Variants in MICAL3 observed in about 807,000 individuals in gnomAD.
MICAL3 encodes the protein microtubule associated monooxygenase, calponin and LIM domain containing 3.
A neutral mutation model predicts 207.4 loss-of-function variants in MICAL3; 62 were observed. The observed-to-expected ratio is 0.30, with a 90% CI of 0.24 to 0.37. The LOEUF (loss-of-function observed/expected upper bound fraction) is 0.37, where lower values mean the gene tolerates loss of function less well. Ranked by LOEUF, MICAL3 falls within the 10% of genes least tolerant of loss-of-function variation. The probability of loss-of-function intolerance (pLI) is 1.00; values close to 1 mark genes in which losing one functional copy is unlikely to be tolerated. For synonymous variants in MICAL3, 1,077 were observed against 1,069.3 expected (o/e 1.01, Z -0.14); for missense variants, 2,368 against 2,635.6 (o/e 0.90, Z 2.22).
At chr22:17,799,799 G>C (rs1230093597) in intron 29 of MICAL3, among the ~76,000 whole-genome samples, 1 of 152,212 alleles carries the variant, frequency 6.6e-6, no homozygotes, top group Non-Finnish European at 1.5e-5. Context: ...GGGGCTGGGA[G>C]ACACCTGGTG....
Position 17,866,180 on chromosome 22 carries a change from G to A in MICAL3, c.2429-168C>T, listed in dbSNP as rs57475184. ...CTTGTCCAGAGAAGCCAGTTCCTCCGGGTAAACTTTGATTCTAGCTCTCCT... is the reference window on the plus strand; with the variant it reads ...CTTGTCCAGAGAAGCCAGTTCCTCCAGGTAAACTTTGATTCTAGCTCTCCT... On this transcript the variant is annotated intron_variant, in intron 17 of 31. Coordinates refer to ENST00000441493, the MANE Select transcript of MICAL3 (RefSeq NM_015241.3). Among the ~76,000 whole-genome samples the A allele has an allele frequency of 3.5e-3, 528 of 152,290 alleles. 2 individuals carry two copies. The highest frequency in any genetic ancestry group is 9.2e-3 in the African/African-American group (381 of 41,552).
At chr22:17,997,552 G>A (rs1922430122) in intron 1 of MICAL3, among the ~76,000 whole-genome samples, 1 of 152,134 alleles carries the variant, frequency 6.6e-6, no homozygotes, top group Non-Finnish European at 1.5e-5. Context: ...ATCAGACCTG[G>A]GGTGGTGGCA....
At chr22:17,834,384 C>CTAGA in intron 20 of MICAL3, 1 of 1,259,598 alleles carries the variant, frequency 7.9e-7, no homozygotes, top group Admixed American at 2.8e-5. Flanking sequence ...AACGCACTTG[C>CTAGA]TAGACACTGT....
chr22:17,987,110 G>A (rs1602354086), intron 1 of MICAL3, among the ~76,000 whole-genome samples: 1 of 152,110 alleles, frequency 6.6e-6, no homozygotes, highest in African/African-American at 2.4e-5. Flanking sequence ...GCATAGGGGT[G>A]CATGCCTGTA....
intron 1 of MICAL3, among the ~76,000 whole-genome samples, chr22:18,000,426 C>T (rs79170136): frequency 2.6e-5 from 4 of 152,208 alleles, no homozygotes; most frequent in African/African-American, 9.6e-5. Flanking sequence ...AGCCAAGATA[C>T]GGGGCTGGTC....
At chr22:17,918,632 G>GC (rs1176572582) in intron 1 of MICAL3, among the ~76,000 whole-genome samples, 4 of 151,586 alleles carry the variant, frequency 2.6e-5, no homozygotes, top group Non-Finnish European at 5.9e-5. Flanking sequence ...CTCATGGAGC[G>GC]CCCCCCAGAC....
intron 1 of MICAL3, chr22:17,980,745 GTCTTAT>G (rs1935869517): frequency 6.7e-6 from 3 of 448,222 alleles, no homozygotes; most frequent in South Asian, 4.9e-5. Context: ...CACAGTTTCC[GTCTTAT>G]CATTCCGCCC....
intron 19 of MICAL3, among the ~76,000 whole-genome samples, chr22:17,848,782 T>C (rs1458449414): frequency 6.6e-6 from 1 of 152,222 alleles, no homozygotes; most frequent in Non-Finnish European, 1.5e-5. Context: ...GGCCCTACAG[T>C]GTACAAAAGG....
At position 17,796,282 on chromosome 22, in the gene MICAL3, C is replaced by A. The variant is rs761051907; in HGVS notation, c.5651-4981G>T. Among the ~76,000 whole-genome samples, 86 of 152,244 alleles carry A rather than the reference C, an allele frequency of 5.6e-4. No homozygotes were observed. Among genetic ancestry groups the A allele is most frequent in the Non-Finnish European group, 1.0e-3 (71 of 68,046 alleles). On this transcript the variant is annotated intron_variant, in intron 29 of 31. Coordinates refer to ENST00000441493, the MANE Select transcript of MICAL3 (RefSeq NM_015241.3). The surrounding 1 kb of genome is among the most constrained non-coding windows in gnomAD (Gnocchi z 4.4). ...GTGACCCAGGGGTGGCTCTTTAGTG[C>A]CACTCGCTTGACACCTGGCGGGCAG...
intron 21 of MICAL3, among the ~76,000 whole-genome samples, chr22:17,831,155 T>G (rs1267321624): frequency 6.6e-6 from 1 of 152,026 alleles, no homozygotes; most frequent in South Asian, 2.1e-4. Flanking sequence ...GGGACTCAGA[T>G]CTCCACCTGC....
chr22:17,950,346 T>G (rs755565547), intron 1 of MICAL3, among the ~76,000 whole-genome samples: 5,115 of 141,524 alleles, frequency 0.036, 140 homozygotes, highest in African/African-American at 0.077. Context: ...TGTTTTTTTT[T>G]TTTTTTTTTT....
chr22:17,984,872 G>A (rs1469956114), intron 1 of MICAL3, among the ~76,000 whole-genome samples: 1 of 152,154 alleles, frequency 6.6e-6, no homozygotes, highest in East Asian at 1.9e-4. Flanking sequence ...CACACGAGTA[G>A]CAAGTGGTGA....
chr22:17,829,331 T>TA (rs1218142439), intron 21 of MICAL3, among the ~76,000 whole-genome samples: 1 of 152,158 alleles, frequency 6.6e-6, no homozygotes, highest in African/African-American at 2.4e-5. Context: ...CATGCCCGAC[T>TA]AATTTTTTAT....
intron 21 of MICAL3, among the ~76,000 whole-genome samples, chr22:17,828,413 G>C (rs953235558): frequency 3.9e-5 from 6 of 152,238 alleles, no homozygotes; most frequent in Admixed American, 3.9e-4. Flanking sequence ...GAGAGAAAAA[G>C]TCCCCGTCCC....
intron 20 of MICAL3, among the ~76,000 whole-genome samples, chr22:17,837,613 G>A (rs1037382442): frequency 6.6e-6 from 1 of 152,236 alleles, no homozygotes; most frequent in Non-Finnish European, 1.5e-5. Context: ...AAACAAAGCT[G>A]CTATTTCCAG....
chr22:17,985,151 T>C (rs1314029855), intron 1 of MICAL3, among the ~76,000 whole-genome samples: 1 of 152,098 alleles, frequency 6.6e-6, no homozygotes, highest in East Asian at 1.9e-4. Context: ...GAAAGAGTGT[T>C]TCAGGGAGGG....
intron 1 of MICAL3, among the ~76,000 whole-genome samples, chr22:17,921,578 T>A (rs1380816028): frequency 6.6e-6 from 1 of 152,174 alleles, no homozygotes; most frequent in African/African-American, 2.4e-5. Flanking sequence ...AACCTCCATC[T>A]TCAGGGTTCA....
chr22:17,904,904 T>C (rs1381253395), intron 2 of MICAL3, 65 bp from the exon 3 acceptor site: 2 of 1,207,254 alleles, frequency 1.7e-6, no homozygotes, highest in Admixed American at 3.7e-5. Context: ...AGAAGTCTCA[T>C]GATTGTAAGA....
At position 17,885,902 on chromosome 22, in the gene MICAL3, T is replaced by C. The variant is rs1031008729; in HGVS notation, c.2217A>G (p.Ala739=). ...CCTGTCTCCGTATGCCGATGGACTG[T>C]GCGGGCGCATTCTCTTCAAATTTGG... ...LLAKFEENAP[A]QSIGIRRQGS... The change falls in exon 16 of 32, where the codon GCA becomes GCG. Residue 739 remains alanine (A), a synonymous_variant. Coordinates refer to ENST00000441493, the MANE Select transcript of MICAL3 (RefSeq NM_015241.3). The C allele has an allele frequency of 3.1e-6, 5 of 1,613,896 alleles. No homozygotes were observed. The highest frequency in any genetic ancestry group is 4.2e-6 in the Non-Finnish European group (5 of 1,179,902).
Sources: allele counts gnomAD v4.1 joint callset (sites outside exome capture counted in the v4.1 genomes callset), GRCh38; gene constraint gnomAD v4.1.1; non-coding constraint Gnocchi (gnomAD v3.1); transcripts MANE v1.5; gene names NCBI Gene and HGNC (gene_info 2026-07-23, HGNC 2026-07-21).